Variants in LARS2 observed in about 807,000 individuals in gnomAD.
LARS2 encodes the protein leucine--tRNA ligase, mitochondrial.
A neutral mutation model predicts 116.6 loss-of-function variants in LARS2; 81 were observed. That is an observed-to-expected ratio of 0.69 (90% CI 0.58 to 0.84). The LOEUF (loss-of-function observed/expected upper bound fraction) is 0.84, where lower values mean the gene tolerates loss of function less well. Ranked by LOEUF, LARS2 falls within the 40% of genes least tolerant of loss-of-function variation. The pLI is 0.00. For missense variants in LARS2, 968 were observed against 1,114.5 expected (o/e 0.87, Z 1.87); for synonymous variants, 396 against 407.2 (o/e 0.97, Z 0.33).
intron 21 of LARS2, among the ~76,000 whole-genome samples, chr3:45,546,466 C>G (rs543318495): frequency 6.6e-6 from 1 of 152,250 alleles, no homozygotes; most frequent in African/African-American, 2.4e-5. Flanking sequence ...CTAATGCAGA[C>G]AATAAAAATG....
chr3:45,512,934 G>A lies in LARS2; in HGVS notation c.1761-201G>A, dbSNP rs538997740. Among the ~76,000 whole-genome samples the A allele has an allele frequency of 5.9e-5, 9 of 152,202 alleles. No individual in the cohort carries two copies. The South Asian group carries it at 1.0e-3, about 18-fold the overall frequency. On this transcript the variant is annotated intron_variant, in intron 15 of 21. Coordinates refer to ENST00000645846, the MANE Select transcript of LARS2 (RefSeq NM_015340.4). Reference sequence around the variant, plus strand: ...TGGGGGGCCGAGGCAGGTGGATCACGCCCAGCCTGAATTTATTTTCTTATC... The same window carrying A: ...TGGGGGGCCGAGGCAGGTGGATCACACCCAGCCTGAATTTATTTTCTTATC...
At chr3:45,401,355 T>G (rs1698145924) in intron 4 of LARS2, among the ~76,000 whole-genome samples, 1 of 151,864 alleles carries the variant, frequency 6.6e-6, no homozygotes, top group Non-Finnish European at 1.5e-5. Flanking sequence ...TACAAAAAAT[T>G]AGCTCAGTGT....
rs1361136399 is a variant in LARS2, at chr3:45,402,745, T to C, written c.363+2372T>C. ...AGATGGCTGAGGGTGTTTGTCTCTC[T>C]GGTTTTTGTCAGATGTTATTTTTCC... On this transcript the variant is annotated intron_variant, in intron 4 of 21. Transcript: ENST00000645846. Among the ~76,000 whole-genome samples, 3 of 152,228 alleles carry C rather than the reference T, an allele frequency of 2.0e-5. No homozygotes were observed. The East Asian group carries it at 5.8e-4, about 29-fold the overall frequency.
chr3:45,461,377 T>C (rs949193080), intron 8 of LARS2, among the ~76,000 whole-genome samples: 1 of 151,926 alleles, frequency 6.6e-6, no homozygotes, highest in African/African-American at 2.4e-5. Flanking sequence ...TGTAGTGGCC[T>C]TAAAACAGAA....
At chr3:45,511,457 G>A (rs1180671913) in intron 15 of LARS2, among the ~76,000 whole-genome samples, 1 of 152,044 alleles carries the variant, frequency 6.6e-6, no homozygotes. Context: ...TTGATTTCAC[G>A]TTCTGCTAAT....
At chr3:45,472,153 C>T (rs1412154267) in intron 8 of LARS2, among the ~76,000 whole-genome samples, 2 of 152,212 alleles carry the variant, frequency 1.3e-5, no homozygotes. Context: ...AGAACAAGGG[C>T]ACAGCCACAA....
chr3:45,394,715 G>C, intron 3 of LARS2, 28 bp downstream of exon 3: 11 of 1,518,160 alleles, frequency 7.2e-6, no homozygotes, highest in Non-Finnish European at 1.0e-5. Flanking sequence ...TTCTAAGAGG[G>C]TAGAGAAGAG....
Position 45,491,516 on chromosome 3 carries a change from G to C in LARS2, c.1240-1G>C. 1 of 1,613,674 alleles carries C rather than the reference G, an allele frequency of 6.2e-7. No homozygotes were observed. The highest frequency in any genetic ancestry group is 8.5e-7 in the Non-Finnish European group (1 of 1,179,600). On this transcript the variant is annotated splice_acceptor_variant, in intron 12 of 21. Coordinates refer to ENST00000645846, the MANE Select transcript of LARS2 (RefSeq NM_015340.4). LOFTEE classifies it high-confidence loss of function. ...TGAGCTTTCTTTTCTTTCCCTGTCA[G>C]TTCACAGGTATGACCCGGCAGGATG...
intron 10 of LARS2, among the ~76,000 whole-genome samples, chr3:45,478,161 A>G (rs1699645096): frequency 6.6e-6 from 1 of 152,236 alleles, no homozygotes; most frequent in East Asian, 1.9e-4. Flanking sequence ...TATAAAGCCC[A>G]ATATAGCTGT....
At chr3:45,495,774 T>G (rs1470378483) in intron 13 of LARS2, among the ~76,000 whole-genome samples, 1 of 152,240 alleles carries the variant, frequency 6.6e-6, no homozygotes, top group African/African-American at 2.4e-5. Flanking sequence ...ATTGAAACTT[T>G]TATTTGTAAA....
At chr3:45,544,503 T>A (rs1700846981) in intron 21 of LARS2, among the ~76,000 whole-genome samples, 2 of 152,076 alleles carry the variant, frequency 1.3e-5, no homozygotes, top group Non-Finnish European at 2.9e-5. Context: ...TAATACAGAG[T>A]GAGCGCCGAC....
At chr3:45,404,269 T>C (rs1235787874) in intron 4 of LARS2, among the ~76,000 whole-genome samples, 2 of 152,230 alleles carry the variant, frequency 1.3e-5, no homozygotes, top group Non-Finnish European at 2.9e-5. Context: ...TAGGTTCTCC[T>C]GAAATTAATT....
At chr3:45,529,923 A>G (rs1038438105) in intron 20 of LARS2, among the ~76,000 whole-genome samples, 1 of 152,036 alleles carries the variant, frequency 6.6e-6, no homozygotes, top group Admixed American at 6.6e-5. Flanking sequence ...GAGCGAGGAG[A>G]TATGTCTTAG....
chr3:45,433,692 GCT>G (rs753667096), intron 6 of LARS2, among the ~76,000 whole-genome samples: 10 of 151,974 alleles, frequency 6.6e-5, no homozygotes, highest in South Asian at 2.1e-4. Context: ...ATCTCTCATT[GCT>G]CTTTTTTTAT....
At chr3:45,462,419 C>CA (rs5848744) in intron 8 of LARS2, among the ~76,000 whole-genome samples, 75 of 148,254 alleles carry the variant, frequency 5.1e-4, no homozygotes, top group South Asian at 3.2e-3. Context: ...CAATTTCTAC[C>CA]AAAAAAAAAA....
At position 45,499,977 on chromosome 3, in the gene LARS2, TTTTGTTTGTTTG is replaced by T. The variant is rs548918516; in HGVS notation, c.1623-447_1623-436del. On this transcript the variant is annotated intron_variant, in intron 14 of 21. Transcript: ENST00000645846. ...ATATAAGCTTTTCTCATATATATAT[TTTTGTTTGTTTG>T]TTTGTTTGTTTGTTTGTCTGTTTTG... 9.2e-5 allele frequency among the ~76,000 whole-genome samples: 14 copies of T among 152,074 alleles called. No homozygotes were observed. In the East Asian group the frequency reaches 2.1e-3, roughly 23 times the overall value.
chr3:45,492,298 G>A (rs1012084689), intron 13 of LARS2, among the ~76,000 whole-genome samples: 3 of 152,146 alleles, frequency 2.0e-5, no homozygotes, highest in Admixed American at 2.0e-4. Context: ...GAAGCACCAT[G>A]GTTCCTTTCT....
rs575140221 is a variant in LARS2, at chr3:45,439,210, C to CTTTTTTT, written c.517-7658_517-7652dup. ...AGAAATGAGCTGTCAGAAACTCTGG[C>CTTTTTTT]TTTTTTTTTTTTTTTTTTTTTTTTT... On this transcript the variant is annotated intron_variant, in intron 6 of 21. Coordinates refer to ENST00000645846, the MANE Select transcript of LARS2 (RefSeq NM_015340.4). 1.2e-3 allele frequency among the ~76,000 whole-genome samples: 72 copies of CTTTTTTT among 62,456 alleles called. 9 individuals are homozygous for CTTTTTTT. The highest frequency in any genetic ancestry group is 4.5e-3 in the African/African-American group (68 of 15,274). The allele number at this position is 62,456 out of a possible 152,430, so 41.0% of individuals were successfully genotyped here. A position where few individuals can be genotyped will look rare whatever the true frequency, so the allele number is the denominator to read the frequency against.
intron 10 of LARS2, among the ~76,000 whole-genome samples, chr3:45,484,853 T>TC (rs1699779573): frequency 6.6e-6 from 1 of 151,518 alleles, no homozygotes; most frequent in Non-Finnish European, 1.5e-5. Context: ...CCTTTTTTTT[T>TC]CATTTACTTT....
Sources: gnomAD v4.1 joint callset for allele counts (sites outside exome capture counted in the v4.1 genomes callset) on GRCh38, gnomAD v4.1.1 for gene constraint, MANE v1.5 for transcripts, NCBI Gene and HGNC (gene_info 2026-07-23, HGNC 2026-07-21) for gene names.